The following ANO10 variants were observed in gnomAD, a reference collection of about 807,000 sequenced individuals.
The protein encoded by ANO10 is anoctamin 10.
Under a neutral mutation model 74.7 loss-of-function variants are expected in ANO10, and 77 were observed. The observed-to-expected ratio is 1.03, with a 90% CI of 0.86 to 1.25. ANO10 has a LOEUF of 1.25. Ranked by LOEUF, ANO10 falls within the 50% of genes most tolerant of loss-of-function variation. The pLI is 0.00. For synonymous variants in ANO10, 279 were observed against 284.9 expected (o/e 0.98, Z 0.21); for missense variants, 721 against 778.1 (o/e 0.93, Z 0.87).
intron 11 of ANO10, among the ~76,000 whole-genome samples, chr3:43,436,496 A>G (rs2093069256): frequency 6.6e-6 from 1 of 152,182 alleles, no homozygotes; most frequent in African/African-American, 2.4e-5. Context: ...GGGGGAGGGT[A>G]GGGTGAGGAG....
intron 11 of ANO10, among the ~76,000 whole-genome samples, chr3:43,530,430 A>G (rs1041033140): frequency 2.5e-4 from 37 of 148,954 alleles, no homozygotes; most frequent in African/African-American, 6.8e-4. Context: ...TATAGCCTAT[A>G]TATTATATAT....
chr3:43,537,043 T>A (rs1023147881), intron 11 of ANO10, among the ~76,000 whole-genome samples: 4 of 144,326 alleles, frequency 2.8e-5, no homozygotes, highest in African/African-American at 7.7e-5. Flanking sequence ...TTACTCTGAG[T>A]CCTTGGCAAC....
chr3:43,392,713 C>T (rs1322406150), intron 12 of ANO10, among the ~76,000 whole-genome samples: 1 of 152,118 alleles, frequency 6.6e-6, no homozygotes, highest in Admixed American at 6.5e-5. Context: ...CAAACAAAGC[C>T]CTCTTCTCCA....
At chr3:43,541,955 A>G (rs906002723) in intron 11 of ANO10, among the ~76,000 whole-genome samples, 1 of 152,236 alleles carries the variant, frequency 6.6e-6, no homozygotes, top group African/African-American at 2.4e-5. Flanking sequence ...TCTGTAAGCC[A>G]TGGACACCCA....
chr3:43,605,006 A>G (rs979732676), intron 2 of ANO10, among the ~76,000 whole-genome samples: 1 of 152,092 alleles, frequency 6.6e-6, no homozygotes, highest in Non-Finnish European at 1.5e-5. Flanking sequence ...CAGTGTTCAG[A>G]GACTGTGCAG....
chr3:43,649,932 C>T (rs749393100), intron 1 of ANO10, among the ~76,000 whole-genome samples: 6 of 152,180 alleles, frequency 3.9e-5, no homozygotes, highest in East Asian at 1.9e-4. Flanking sequence ...GTCCAGGGGT[C>T]GGAGGCTGTG....
chr3:43,527,350 A>C (rs1365104922), intron 11 of ANO10, among the ~76,000 whole-genome samples: 1 of 152,198 alleles, frequency 6.6e-6, no homozygotes, highest in Non-Finnish European at 1.5e-5. Context: ...GATAATTCAA[A>C]TAATATAAAA....
intron 11 of ANO10, among the ~76,000 whole-genome samples, chr3:43,444,761 C>T (rs999456823): frequency 7.9e-5 from 12 of 152,084 alleles, no homozygotes; most frequent in Non-Finnish European, 1.5e-5. Flanking sequence ...CGGCAGGGTG[C>T]AGGACACTCC....
intron 1 of ANO10, among the ~76,000 whole-genome samples, chr3:43,664,290 C>G (rs959490503): frequency 2.6e-5 from 4 of 152,224 alleles, no homozygotes; most frequent in African/African-American, 9.6e-5. Context: ...AAAAGATTCC[C>G]TATTTAATAA....
At chr3:43,439,193 C>T (rs1192929830) in intron 11 of ANO10, among the ~76,000 whole-genome samples, 3 of 151,720 alleles carry the variant, frequency 2.0e-5, no homozygotes, top group African/African-American at 7.3e-5. Flanking sequence ...GCAGATTTCT[C>T]AGCAAGAAGA....
intron 11 of ANO10, among the ~76,000 whole-genome samples, chr3:43,516,673 C>T (rs2077726014): frequency 6.6e-6 from 1 of 152,088 alleles, no homozygotes; most frequent in South Asian, 2.1e-4. Context: ...GACATGACAG[C>T]AGTGGCCTGG....
chr3:43,640,127 T>C (rs1295682400), intron 1 of ANO10, among the ~76,000 whole-genome samples: 1 of 152,212 alleles, frequency 6.6e-6, no homozygotes, highest in Non-Finnish European at 1.5e-5. Context: ...GGATTGATAT[T>C]TAAACACATC....
chr3:43,656,257 C>G (rs1474504680), intron 1 of ANO10, among the ~76,000 whole-genome samples: 3 of 152,078 alleles, frequency 2.0e-5, no homozygotes, highest in Non-Finnish European at 4.4e-5. Context: ...GGTGTGTTTA[C>G]AAACCTTGAG....
At chr3:43,447,787 C>T (rs1553666619) in intron 11 of ANO10, among the ~76,000 whole-genome samples, 1 of 152,138 alleles carries the variant, frequency 6.6e-6, no homozygotes, top group Non-Finnish European at 1.5e-5. Context: ...CCAGTTTCCC[C>T]TATTATTAAG....
At chr3:43,688,318 G>T (rs756201776) in intron 1 of ANO10, among the ~76,000 whole-genome samples, 1 of 152,078 alleles carries the variant, frequency 6.6e-6, no homozygotes, top group East Asian at 1.9e-4. Context: ...TGTTCCAGGC[G>T]GTAGGGTCTT....
chr3:43,399,456 T>C (rs2092441461), intron 12 of ANO10, among the ~76,000 whole-genome samples: 1 of 152,236 alleles, frequency 6.6e-6, no homozygotes, highest in South Asian at 2.1e-4. Context: ...TTATGGTGTC[T>C]GTCTGTCTCT....
intron 11 of ANO10, among the ~76,000 whole-genome samples, chr3:43,475,773 T>G (rs1302871424): frequency 2.0e-5 from 3 of 152,034 alleles, no homozygotes. Flanking sequence ...AAAGTTTTTT[T>G]TATTTTTTAG....
intron 2 of ANO10, among the ~76,000 whole-genome samples, chr3:43,603,858 G>A (rs774025658): frequency 6.6e-6 from 1 of 152,166 alleles, no homozygotes; most frequent in African/African-American, 2.4e-5. Flanking sequence ...TTCCTACAAG[G>A]TGTGAATCTT....
chr3:43,503,605 C>T (rs145366768), intron 11 of ANO10, among the ~76,000 whole-genome samples: 2 of 152,342 alleles, frequency 1.3e-5, no homozygotes, highest in African/African-American at 2.4e-5. Flanking sequence ...TGACTAATAT[C>T]GTTCTCTTTG....
Sources: allele counts gnomAD v4.1 joint callset (sites outside exome capture counted in the v4.1 genomes callset), GRCh38; gene constraint gnomAD v4.1.1; transcripts MANE v1.5; gene names NCBI Gene and HGNC (gene_info 2026-07-23, HGNC 2026-07-21).